PTPRN2: variants seen among roughly 807,000 people sequenced by gnomAD.
PTPRN2 encodes the protein receptor-type tyrosine-protein phosphatase N2.
In PTPRN2, 74 loss-of-function variants were observed where a neutral mutation model predicts 118.8. The observed-to-expected ratio is 0.62, with a 90% CI of 0.52 to 0.76. The LOEUF is 0.76. Ranked by LOEUF, PTPRN2 falls within the 30% of genes least tolerant of loss-of-function variation. The probability of loss-of-function intolerance (pLI) is 0.00; values close to 1 mark genes in which losing one functional copy is unlikely to be tolerated. For synonymous variants in PTPRN2, 641 were observed against 608.0 expected, an observed-to-expected ratio of 1.05 and a Z score of -0.80; for missense variants, 1,481 against 1,394.4, an observed-to-expected ratio of 1.06 and a Z score of -0.99.
chr7:158,341,491 T>A (rs201343520), intron 2 of PTPRN2, among the ~76,000 whole-genome samples: 3,272 of 46,322 alleles, frequency 0.071, 88 homozygotes, highest in Middle Eastern at 0.15. Context: ...TCACCATAAT[T>A]GGTGACACGT....
intron 1 of PTPRN2, among the ~76,000 whole-genome samples, chr7:158,506,256 C>T (rs923178067): frequency 6.6e-6 from 1 of 152,198 alleles, no homozygotes; most frequent in African/African-American, 2.4e-5. Flanking sequence ...ACAAGGAAGT[C>T]CCCTCTCCCC....
intron 12 of PTPRN2, among the ~76,000 whole-genome samples, chr7:157,767,380 T>C (rs1802547126): frequency 6.6e-6 from 1 of 152,242 alleles, no homozygotes. Context: ...TGCCATGTTA[T>C]CTGTGTTCTT....
At chr7:157,668,175 A>G (rs1796237736) in intron 13 of PTPRN2, among the ~76,000 whole-genome samples, 1 of 152,238 alleles carries the variant, frequency 6.6e-6, no homozygotes, top group Non-Finnish European at 1.5e-5. Flanking sequence ...AGTATCTTAT[A>G]CTTCTCTATA....
intron 2 of PTPRN2, among the ~76,000 whole-genome samples, chr7:158,441,645 AATG>A (rs1817262891): frequency 6.6e-5 from 8 of 120,612 alleles, no homozygotes; most frequent in Non-Finnish European, 1.2e-4. Flanking sequence ...TGGTGATGGC[AATG>A]GTGGTGATGG....
intron 2 of PTPRN2, among the ~76,000 whole-genome samples, chr7:158,407,011 C>T (rs947232282): frequency 3.3e-5 from 5 of 152,192 alleles, no homozygotes; most frequent in Non-Finnish European, 5.9e-5. Context: ...CAAGGCTGAG[C>T]GTGCTCAGGC....
intron 9 of PTPRN2, among the ~76,000 whole-genome samples, chr7:158,116,605 T>C (rs985176307): frequency 4.6e-5 from 7 of 152,250 alleles, no homozygotes; most frequent in Non-Finnish European, 8.8e-5. Flanking sequence ...CACTGCTGAT[T>C]GCTGCTTCTC....
At chr7:157,709,803 C>T (rs2150885221) in intron 12 of PTPRN2, among the ~76,000 whole-genome samples, 1 of 152,320 alleles carries the variant, frequency 6.6e-6, no homozygotes, top group South Asian at 2.1e-4. Context: ...TTTACACATA[C>T]AAGTCGGATA....
At chr7:158,161,975 A>T (rs1248379134) in intron 6 of PTPRN2, among the ~76,000 whole-genome samples, 2 of 152,216 alleles carry the variant, frequency 1.3e-5, no homozygotes, top group African/African-American at 4.8e-5. Flanking sequence ...GAAAACAAGC[A>T]TGTGAAGATG....
At chr7:158,293,182 C>T (rs1468956563) in intron 3 of PTPRN2, among the ~76,000 whole-genome samples, 4 of 152,010 alleles carry the variant, frequency 2.6e-5, no homozygotes, top group Non-Finnish European at 5.9e-5. Flanking sequence ...GTGTGAAGGC[C>T]GAGGACATTA....
At chr7:157,833,697 GGGAGGGTGT>G (rs1396323516) in intron 12 of PTPRN2, among the ~76,000 whole-genome samples, 2 of 152,252 alleles carry the variant, frequency 1.3e-5, no homozygotes, top group African/African-American at 4.8e-5. Context: ...TAGGAAATTG[GGGAGGGTGT>G]GGAGATGCAG....
chr7:157,913,072 T>C (rs1798189223), intron 11 of PTPRN2, among the ~76,000 whole-genome samples: 1 of 152,234 alleles, frequency 6.6e-6, no homozygotes, highest in South Asian at 2.1e-4. Context: ...CATGTAAATC[T>C]CTCCATTTAT....
chr7:158,061,219 A>C (rs1221686490), intron 11 of PTPRN2, among the ~76,000 whole-genome samples: 1 of 152,250 alleles, frequency 6.6e-6, no homozygotes, highest in African/African-American at 2.4e-5. Context: ...AGCCCAGCCA[A>C]GCTGCTCCGC....
intron 11 of PTPRN2, among the ~76,000 whole-genome samples, chr7:157,941,589 T>G (rs1010774728): frequency 2.0e-5 from 3 of 152,114 alleles, no homozygotes; most frequent in African/African-American, 4.8e-5. Context: ...AGCAAGCCAC[T>G]GTGTAAGAGT....
At chr7:158,553,774 C>T (rs894510456) in intron 1 of PTPRN2, among the ~76,000 whole-genome samples, 1 of 152,126 alleles carries the variant, frequency 6.6e-6, no homozygotes, top group Non-Finnish European at 1.5e-5. Context: ...GCTTGGGAGT[C>T]TACACCACCC....
intron 2 of PTPRN2, among the ~76,000 whole-genome samples, chr7:158,328,637 C>T (rs757243169): frequency 3.0e-4 from 45 of 152,098 alleles, no homozygotes; most frequent in Non-Finnish European, 4.6e-4. Flanking sequence ...GGCCCCCATT[C>T]CTCCCACCAC....
At chr7:157,805,170 C>G (rs1235750041) in intron 12 of PTPRN2, among the ~76,000 whole-genome samples, 2 of 152,228 alleles carry the variant, frequency 1.3e-5, no homozygotes, top group African/African-American at 4.8e-5. Flanking sequence ...ATTAAGGAAA[C>G]TCCTTCTCTG....
chr7:157,593,681 G>C (rs1011574679), intron 17 of PTPRN2, among the ~76,000 whole-genome samples: 15 of 152,190 alleles, frequency 9.9e-5, no homozygotes, highest in African/African-American at 3.6e-4. Context: ...GCAGCGCTGG[G>C]ACGGATGGGT....
chr7:157,772,402 G>C (rs1383013455), intron 12 of PTPRN2, among the ~76,000 whole-genome samples: 2 of 151,972 alleles, frequency 1.3e-5, no homozygotes, highest in African/African-American at 4.8e-5. Context: ...CACAAACAGA[G>C]ACACACATAG....
rs913238628 is a variant in PTPRN2 at position 157,974,043 on chromosome 7, G to C, written c.1724-75306C>G. On this transcript the variant is annotated intron_variant, in intron 11 of 22. Coordinates refer to ENST00000389418, the MANE Select transcript of PTPRN2 (RefSeq NM_002847.5). The surrounding 1 kb of genome is among the most constrained non-coding windows in gnomAD (Gnocchi z 4.0). ...GATCTCTCTGACCACTGCTGTTGAC[G>C]TTGGCGGGGTAGCAGGTGTGGCCAT... is the stretch of plus-strand genomic sequence containing the variant. Among the ~76,000 whole-genome samples the C allele has an allele frequency of 3.3e-5, 5 of 152,214 alleles. No homozygotes were observed. Among genetic ancestry groups the C allele is most frequent in the Non-Finnish European group, 5.9e-5 (4 of 68,040 alleles).
Sources: gnomAD v4.1 joint callset for allele counts (sites outside exome capture counted in the v4.1 genomes callset) on GRCh38, gnomAD v4.1.1 for gene constraint, Gnocchi (gnomAD v3.1) non-coding constraint, MANE v1.5 for transcripts, NCBI Gene and HGNC (gene_info 2026-07-23, HGNC 2026-07-21) for gene names.